TBC1D22A: variants seen among roughly 807,000 people sequenced by gnomAD.
TBC1D22A encodes putative GTPase activator.
Under a neutral mutation model 60.2 loss-of-function variants are expected in TBC1D22A, and 38 were observed. The observed-to-expected ratio is 0.63, with a 90% confidence interval of 0.49 to 0.83. TBC1D22A has a LOEUF of 0.83. TBC1D22A is among the 40% of genes least tolerant of loss of function. The pLI is 0.00. For missense variants in TBC1D22A, 628 were observed against 701.0 expected (o/e 0.90, Z 1.18); for synonymous variants, 302 against 281.7 (o/e 1.07, Z -0.72).
At chr22:47,137,363 T>A (rs576038188) in intron 12 of TBC1D22A, among the ~76,000 whole-genome samples, 2 of 152,180 alleles carry the variant, frequency 1.3e-5, no homozygotes, top group African/African-American at 4.8e-5. Context: ...CCAGTCAGAG[T>A]GGACACTGGA....
chr22:46,987,565 A>G (rs1370728058), intron 9 of TBC1D22A, among the ~76,000 whole-genome samples: 2 of 152,234 alleles, frequency 1.3e-5, no homozygotes, highest in African/African-American at 4.8e-5. Flanking sequence ...TTCTCAATGC[A>G]TATAAAAGTT....
intron 4 of TBC1D22A, among the ~76,000 whole-genome samples, chr22:46,824,442 C>G (rs1196488676): frequency 1.3e-5 from 2 of 152,082 alleles, no homozygotes; most frequent in Non-Finnish European, 2.9e-5. Flanking sequence ...AAGAAGGCCG[C>G]TGTGGCTGCA....
intron 10 of TBC1D22A, among the ~76,000 whole-genome samples, chr22:47,033,870 G>T (rs1045288025): frequency 3.3e-5 from 5 of 152,082 alleles, no homozygotes; most frequent in African/African-American, 1.2e-4. Flanking sequence ...GGGAGTGGGG[G>T]TCTGGTGCCT....
At chr22:46,851,924 G>C (rs1053274805) in intron 4 of TBC1D22A, among the ~76,000 whole-genome samples, 9 of 152,202 alleles carry the variant, frequency 5.9e-5, no homozygotes, top group African/African-American at 2.2e-4. Context: ...GTCATGAGCT[G>C]GTGGCAGCAA....
At chr22:47,019,045 T>C (rs2061993877) in intron 10 of TBC1D22A, among the ~76,000 whole-genome samples, 1 of 152,236 alleles carries the variant, frequency 6.6e-6, no homozygotes, top group African/African-American at 2.4e-5. Context: ...TTGGAGGCTC[T>C]GGTGCAGGAG....
chr22:46,854,003 C>T (rs1241127484), intron 4 of TBC1D22A, among the ~76,000 whole-genome samples: 5 of 152,210 alleles, frequency 3.3e-5, no homozygotes, highest in Admixed American at 1.3e-4. Context: ...GCCCCGATTT[C>T]CCCCGCTGTC....
At chr22:46,924,892 T>C (rs1175588970) in intron 8 of TBC1D22A, among the ~76,000 whole-genome samples, 1 of 152,098 alleles carries the variant, frequency 6.6e-6, no homozygotes, top group Non-Finnish European at 1.5e-5. Context: ...TTGTGATGAG[T>C]GTGTGGTGGG....
chr22:46,978,353 C>T (rs1014090488), intron 9 of TBC1D22A, among the ~76,000 whole-genome samples: 1 of 152,196 alleles, frequency 6.6e-6, no homozygotes, highest in African/African-American at 2.4e-5. Context: ...TATTTAACAA[C>T]AACAATGAAA....
chr22:46,973,162 T>A (rs1256842132), intron 8 of TBC1D22A, among the ~76,000 whole-genome samples: 1 of 152,236 alleles, frequency 6.6e-6, no homozygotes, highest in Admixed American at 6.5e-5. Context: ...GGGATAGGAC[T>A]GTACACGACA....
chr22:46,838,882 C>T (rs1355694197), intron 4 of TBC1D22A, among the ~76,000 whole-genome samples: 1 of 152,084 alleles, frequency 6.6e-6, no homozygotes, highest in Non-Finnish European at 1.5e-5. Flanking sequence ...TTCAATAAAT[C>T]AGGTATAGAA....
At chr22:47,083,897 G>A (rs1462633360) in intron 11 of TBC1D22A, among the ~76,000 whole-genome samples, 6 of 152,204 alleles carry the variant, frequency 3.9e-5, no homozygotes, top group African/African-American at 1.4e-4. Flanking sequence ...TAGCAAATGT[G>A]TAGCGCAGCC....
intron 12 of TBC1D22A, among the ~76,000 whole-genome samples, chr22:47,171,560 C>T (rs1402000671): frequency 1.3e-5 from 2 of 152,076 alleles, no homozygotes; most frequent in African/African-American, 4.8e-5. Flanking sequence ...CCTGATGGTC[C>T]CCTGTTTCTC....
chr22:47,056,075 A>G (rs1056833516), intron 11 of TBC1D22A, among the ~76,000 whole-genome samples: 2 of 152,110 alleles, frequency 1.3e-5, no homozygotes, highest in Non-Finnish European at 2.9e-5. Flanking sequence ...CCGTGCACAC[A>G]TCAGCGACTG....
At chr22:46,808,890 G>A (rs1197108491) in intron 4 of TBC1D22A, among the ~76,000 whole-genome samples, 1 of 152,204 alleles carries the variant, frequency 6.6e-6, no homozygotes, top group South Asian at 2.1e-4. Context: ...CACCGTGCCC[G>A]GCCTTCGCCA....
At chr22:46,843,239 C>T (rs948475969) in intron 4 of TBC1D22A, among the ~76,000 whole-genome samples, 5 of 152,138 alleles carry the variant, frequency 3.3e-5, no homozygotes, top group Admixed American at 1.3e-4. Context: ...TACGAGCATT[C>T]GGTGTACTAA....
At chr22:46,915,440 C>G in intron 8 of TBC1D22A, 1 of 456,680 alleles carries the variant, frequency 2.2e-6, no homozygotes, top group South Asian at 1.5e-5. Flanking sequence ...ACCTGAGCAC[C>G]TGCCAGTCCT....
intron 4 of TBC1D22A, among the ~76,000 whole-genome samples, chr22:46,847,129 C>T (rs1161378527): frequency 2.0e-5 from 3 of 152,310 alleles, no homozygotes; most frequent in Admixed American, 6.5e-5. Flanking sequence ...ACCAGTTCTG[C>T]GGTGACCTCT....
At chr22:46,997,265 G>A (rs1270623507) in intron 9 of TBC1D22A, among the ~76,000 whole-genome samples, 1 of 152,366 alleles carries the variant, frequency 6.6e-6, no homozygotes, top group South Asian at 2.1e-4. Context: ...TTAGGGTCCA[G>A]GTGGCCAGCG....
At chr22:46,998,913 G>A (rs1466800313) in intron 10 of TBC1D22A, among the ~76,000 whole-genome samples, 1 of 152,262 alleles carries the variant, frequency 6.6e-6, no homozygotes, top group Non-Finnish European at 1.5e-5. Flanking sequence ...TCTTGTTTGG[G>A]TGCGGCTGGG....
Sources: gnomAD v4.1 joint callset for allele counts (sites outside exome capture counted in the v4.1 genomes callset) on GRCh38, gnomAD v4.1.1 for gene constraint, MANE v1.5 for transcripts, NCBI Gene and HGNC (gene_info 2026-07-23, HGNC 2026-07-21) for gene names.